The following ADAMTS2 variants were observed in gnomAD, a reference collection of about 807,000 sequenced individuals.
The protein encoded by ADAMTS2 is ADAM metallopeptidase with thrombospondin type 1 motif 2.
ADAMTS2 carries 50 observed loss-of-function variants against 123.0 expected under a neutral mutation model. That is an observed-to-expected ratio of 0.41 (90% CI 0.32 to 0.51). The LOEUF (loss-of-function observed/expected upper bound fraction) is 0.51. Among genes scored for constraint, ADAMTS2 ranks in the 20% least tolerant of loss-of-function variants. ADAMTS2 has a pLI of 0.35. For missense variants in ADAMTS2, 1,494 were observed against 1,705.2 expected (o/e 0.88, Z 2.18); for synonymous variants, 678 against 695.4 (o/e 0.98, Z 0.39).
Position 179,130,066 on chromosome 5 carries a change from A to G in ADAMTS2, c.2323T>C (p.Leu775=). 1 of 1,614,166 alleles carries G rather than the reference A, an allele frequency of 6.2e-7. No homozygotes were observed. Among genetic ancestry groups the G allele is most frequent in the South Asian group, 1.1e-5 (1 of 91,090 alleles). The change falls in exon 16 of 22, where the codon TTA becomes CTA. Residue 775 remains leucine (L), a synonymous_variant. Transcript: ENST00000251582. This position sits in a 1 kb window ranked among gnomAD's most constrained non-coding sequence, Gnocchi z 4.3. ...VKNLETGKFI[L]NEENDVDASS... is the part of the protein sequence containing the mutation. ...GCATCCACGTCATTCTCTTCATTTAAGATGAACTTGCCTGTCTCCAGGTTC... is the reference window on the plus strand; with the variant it reads ...GCATCCACGTCATTCTCTTCATTTAGGATGAACTTGCCTGTCTCCAGGTTC...
intron 7 of ADAMTS2, 31 bp downstream of exon 7, chr5:179,154,781 CCT>C (rs1561781144): frequency 6.4e-7 from 1 of 1,558,216 alleles, no homozygotes; most frequent in South Asian, 1.2e-5. Flanking sequence ...TAGGGTGGCC[CCT>C]CTGTGCCCCA....
At chr5:179,247,898 A>G (rs893330303) in intron 3 of ADAMTS2, among the ~76,000 whole-genome samples, 5 of 152,212 alleles carry the variant, frequency 3.3e-5, no homozygotes, top group Non-Finnish European at 7.4e-5. Context: ...AGGTTGAAAT[A>G]AAAGGACAGA....
intron 3 of ADAMTS2, among the ~76,000 whole-genome samples, chr5:179,220,836 C>T (rs1446056039): frequency 2.0e-5 from 3 of 152,194 alleles, no homozygotes; most frequent in South Asian, 4.1e-4. Context: ...GCAGGGTGGG[C>T]GTGGGCCCTG....
At position 179,146,750 on chromosome 5, in the gene ADAMTS2, T is replaced by A. The variant is rs958588331; in HGVS notation, c.1629+5392A>T. ...GAGCTTTTTGAAGTCAGAGTTATTA[T>A]TTTTTTTATTTCCTTGCTCATTTTC... On this transcript the variant is annotated intron_variant, in intron 10 of 21. Coordinates refer to ENST00000251582, the MANE Select transcript of ADAMTS2 (RefSeq NM_014244.5). Among the ~76,000 whole-genome samples the A allele has an allele frequency of 2.0e-5, 3 of 150,832 alleles. No individual in the cohort carries two copies. In the East Asian group the frequency reaches 5.8e-4, roughly 29 times the overall value.
intron 3 of ADAMTS2, among the ~76,000 whole-genome samples, chr5:179,268,508 T>C (rs184919436): frequency 6.6e-6 from 1 of 152,358 alleles, no homozygotes; most frequent in East Asian, 1.9e-4. Flanking sequence ...TCTTTCTCAC[T>C]GTGTGGCAAC....
At position 179,117,832 on chromosome 5, in the gene ADAMTS2, G is replaced by A. The variant is rs1762689541; in HGVS notation, c.3179-3508C>T. Among the ~76,000 whole-genome samples the A allele has an allele frequency of 6.6e-6, 1 of 152,084 alleles. No individual in the cohort carries two copies. The highest frequency in any genetic ancestry group is 2.4e-5 in the African/African-American group (1 of 41,416). ...ATTACAGGTGTAAGCCACTGTGCCCGGCCCATGCATTTCTTATCTGTGGCT... is the reference window on the plus strand; with the variant it reads ...ATTACAGGTGTAAGCCACTGTGCCCAGCCCATGCATTTCTTATCTGTGGCT... On this transcript the variant is annotated intron_variant, in intron 21 of 21. Transcript: ENST00000251582. The surrounding 1 kb of genome is among the most constrained non-coding windows in gnomAD (Gnocchi z 4.2).
chr5:179,295,397 T>C (rs1349372016), intron 2 of ADAMTS2, among the ~76,000 whole-genome samples: 1 of 152,188 alleles, frequency 6.6e-6, no homozygotes, highest in African/African-American at 2.4e-5. Context: ...TTTCTCCCGC[T>C]GTGGTGGCCC....
chr5:179,143,369 G>A (rs977189968), intron 10 of ADAMTS2, among the ~76,000 whole-genome samples: 4 of 151,296 alleles, frequency 2.6e-5, no homozygotes, highest in African/African-American at 9.7e-5. Context: ...GGAGGTGGAG[G>A]TTGCAGTGAG....
chr5:179,238,975 T>G (rs1581212564), intron 3 of ADAMTS2, among the ~76,000 whole-genome samples: 1 of 148,948 alleles, frequency 6.7e-6, no homozygotes, highest in Non-Finnish European at 1.5e-5. Context: ...GCCTGGAAGG[T>G]GGTGGGGGAG....
At chr5:179,154,317 A>G in intron 7 of ADAMTS2, 125 bp from the exon 8 acceptor site, 1 of 1,384,664 alleles carries the variant, frequency 7.2e-7, no homozygotes, top group Non-Finnish European at 9.8e-7. Flanking sequence ...GCCCACTCTG[A>G]GCCGGGTGGC....
At chr5:179,179,648 T>G (rs1269592775) in intron 5 of ADAMTS2, among the ~76,000 whole-genome samples, 1 of 152,180 alleles carries the variant, frequency 6.6e-6, no homozygotes, top group Non-Finnish European at 1.5e-5. Flanking sequence ...TGTTTTGGGA[T>G]GTTTTGTGTT....
intron 2 of ADAMTS2, among the ~76,000 whole-genome samples, chr5:179,338,429 G>A (rs113515172): frequency 1.9e-4 from 29 of 152,280 alleles, no homozygotes; most frequent in African/African-American, 5.8e-4. Flanking sequence ...GCTGGCCGCC[G>A]CCTCCAGAGG....
chr5:179,345,258 G>GGCGGCGGCAGGAGCGGCGGCGGCA lies in ADAMTS2; in HGVS notation c.70_71insTGCCGCCGCCGCTCCTGCCGCCGC (p.Leu23_Pro24insLeuProProProLeuLeuProPro). ...CGGCGGCGGCGGCAGGAGCGGCGGCGGCAGCAGCAGCAGCAGCAGCAGCAG... is the reference window on the plus strand; with the variant it reads ...CGGCGGCGGCGGCAGGAGCGGCGGCGGCGGCGGCAGGAGCGGCGGCGGCAGCAGCAGCAGCAGCAGCAGCAGCAG... On this transcript the variant is annotated inframe_insertion, in exon 1 of 22. Transcript: ENST00000251582. This position sits in a 1 kb window ranked among gnomAD's most constrained non-coding sequence, Gnocchi z 7.5. 8.8e-7 allele frequency: 1 copy of GGCGGCGGCAGGAGCGGCGGCGGCA among 1,136,316 alleles called. No homozygotes were observed. The highest frequency in any genetic ancestry group is 1.1e-6 in the Non-Finnish European group (1 of 932,200). 70.4% of individuals were successfully genotyped at this position (1,136,316 alleles called of 1,614,324 possible).
chr5:179,278,622 C>G (rs116658311), intron 2 of ADAMTS2, among the ~76,000 whole-genome samples: 1 of 152,048 alleles, frequency 6.6e-6, no homozygotes, highest in Non-Finnish European at 1.5e-5. Context: ...GTTGGTACCC[C>G]GACCTGGCTC....
In ADAMTS2 at chr5:179,345,370, G is replaced by A; in HGVS notation, c.-42C>T. On this transcript the variant is annotated 5_prime_UTR_variant, in exon 1 of 22. Coordinates refer to ENST00000251582, the MANE Select transcript of ADAMTS2 (RefSeq NM_014244.5). This position sits in a 1 kb window ranked among gnomAD's most constrained non-coding sequence, Gnocchi z 7.5. ...CCGGGGCCCCGCACTCGCAGCCGGC[G>A]CGAAAGTTCCCCGCGAGCCGCCCAG... The A allele has an allele frequency of 2.7e-6, 3 of 1,122,290 alleles. No individual in the cohort carries two copies. Among genetic ancestry groups the A allele is most frequent in the South Asian group, 4.3e-5 (1 of 23,356 alleles). 69.5% of individuals were successfully genotyped at this position (1,122,290 alleles called of 1,614,324 possible).
intron 3 of ADAMTS2, among the ~76,000 whole-genome samples, chr5:179,267,403 G>A (rs1407924872): frequency 6.6e-6 from 1 of 152,232 alleles, no homozygotes; most frequent in Non-Finnish European, 1.5e-5. Flanking sequence ...GGAGGATGCT[G>A]CAGCCTGACA....
intron 2 of ADAMTS2, among the ~76,000 whole-genome samples, chr5:179,333,119 C>T (rs551921853): frequency 6.6e-6 from 1 of 152,344 alleles, no homozygotes; most frequent in Admixed American, 6.5e-5. Context: ...CAGGAGCCGA[C>T]ACCGCTGTGG....
intron 2 of ADAMTS2, among the ~76,000 whole-genome samples, chr5:179,289,092 C>A (rs968749399): frequency 2.0e-5 from 3 of 152,192 alleles, no homozygotes; most frequent in Admixed American, 6.5e-5. Context: ...CCAGCTGGTT[C>A]TGACTGCCAC....
intron 10 of ADAMTS2, among the ~76,000 whole-genome samples, chr5:179,143,611 G>A (rs1187320025): frequency 6.6e-6 from 1 of 152,180 alleles, no homozygotes; most frequent in Non-Finnish European, 1.5e-5. Flanking sequence ...TAGGCCATGA[G>A]GTCATCCTGG....
Sources: gnomAD v4.1 joint callset for allele counts (sites outside exome capture counted in the v4.1 genomes callset) on GRCh38, gnomAD v4.1.1 for gene constraint, Gnocchi (gnomAD v3.1) non-coding constraint, MANE v1.5 for transcripts, NCBI Gene and HGNC (gene_info 2026-07-23, HGNC 2026-07-21) for gene names.